Variants in EHMT1 observed in about 807,000 individuals in gnomAD.
EHMT1 encodes the protein euchromatic histone lysine methyltransferase 1, also known as histone-lysine N-methyltransferase EHMT1.
In EHMT1, 15 loss-of-function variants were observed where a neutral mutation model predicts 147.2. That is an observed-to-expected ratio of 0.10 (90% CI 0.07 to 0.16). The LOEUF is 0.16. Among genes scored for constraint, EHMT1 ranks in the 10% least tolerant of loss-of-function variants. The probability of loss-of-function intolerance (pLI) is 1.00; values close to 1 mark genes in which losing one functional copy is unlikely to be tolerated. For missense variants in EHMT1, 1,587 were observed against 1,772.4 expected (o/e 0.90, Z 1.88); for synonymous variants, 795 against 709.6 (o/e 1.12, Z -1.91).
chr9:137,721,273 A>ACCCCTCCCAGACTTCTCACACTCGC (rs1945966053), intron 3 of EHMT1, among the ~76,000 whole-genome samples: 1 of 3,318 alleles, frequency 3.0e-4, no homozygotes, highest in African/African-American at 1.1e-3. Context: ...TCTCACACTC[A>ACCCCTCCCAGACTTCTCACACTCGC]CCCCTCCCAG....
At chr9:137,709,268 G>A (rs1002762937) in intron 1 of EHMT1, among the ~76,000 whole-genome samples, 3 of 152,196 alleles carry the variant, frequency 2.0e-5, no homozygotes, top group Non-Finnish European at 4.4e-5. Context: ...GGCTGAGCTG[G>A]CTGGCGTACA....
intron 1 of EHMT1, among the ~76,000 whole-genome samples, chr9:137,687,667 C>G (rs1360335523): frequency 6.6e-6 from 1 of 152,134 alleles, no homozygotes; most frequent in African/African-American, 2.4e-5. Flanking sequence ...AGACTCCTAC[C>G]CGTCACGCGA....
rs566139510 is a variant in EHMT1 at position 137,778,479 on chromosome 9, GTCC to G, written c.2192+430_2192+432del. On this transcript the variant is annotated intron_variant, in intron 13 of 26. Transcript: ENST00000460843. ...AGCTCACAAAAACCCACCCCTCCTCGTCCTCCTCTCAGCATTGCCCCACCAGGG... is the reference window on the plus strand; with the variant it reads ...AGCTCACAAAAACCCACCCCTCCTCGTCCTCTCAGCATTGCCCCACCAGGG... Among the ~76,000 whole-genome samples the G allele has an allele frequency of 3.9e-4, 60 of 152,254 alleles. 1 individual carries two copies. The highest frequency in any genetic ancestry group is 3.4e-3 in the Middle Eastern group (1 of 294).
chr9:137,819,589 G>A lies in EHMT1; in HGVS notation c.3540+1451G>A, dbSNP rs7031781. Among the ~76,000 whole-genome samples, 208 of 57,922 alleles carry A rather than the reference G, an allele frequency of 3.6e-3. 7 individuals are homozygous for A. Among genetic ancestry groups the A allele is most frequent in the Middle Eastern group, 8.6e-3 (1 of 116 alleles). 38.0% of individuals were successfully genotyped at this position (57,922 alleles called of 152,430 possible). A position where few individuals can be genotyped will look rare whatever the true frequency, so the allele number is the denominator to read the frequency against. ...GTAGAGAGGCCGACTGAGGGGCGCC[G>A]TGTACCGAGACTGTAGAGAGGCCGA... is the stretch of plus-strand genomic sequence containing the variant. On this transcript the variant is annotated intron_variant, in intron 25 of 26. Transcript: ENST00000460843.
chr9:137,635,020 G>A (rs1400392000), intron 1 of EHMT1, among the ~76,000 whole-genome samples: 1 of 150,676 alleles, frequency 6.6e-6, no homozygotes, highest in African/African-American at 2.4e-5. Flanking sequence ...GCGCCCGGCT[G>A]TCACTTGGAT....
chr9:137,736,799 G>A (rs1203615500), intron 4 of EHMT1, among the ~76,000 whole-genome samples: 1 of 152,162 alleles, frequency 6.6e-6, no homozygotes, highest in Non-Finnish European at 1.5e-5. Context: ...GCCGAGGCAC[G>A]AGAATTACTT....
intron 1 of EHMT1, among the ~76,000 whole-genome samples, chr9:137,696,017 G>A (rs563513038): frequency 6.6e-6 from 1 of 152,234 alleles, no homozygotes; most frequent in Non-Finnish European, 1.5e-5. Flanking sequence ...TTAAGCAGCA[G>A]ATGGAAAGGG....
intron 1 of EHMT1, among the ~76,000 whole-genome samples, chr9:137,697,757 A>G (rs1943510092): frequency 6.6e-6 from 1 of 152,274 alleles, no homozygotes; most frequent in Non-Finnish European, 1.5e-5. Context: ...CTAAGAAAAG[A>G]ACAAAGCTTT....
At position 137,782,856 on chromosome 9, in the gene EHMT1, T is replaced by C. The variant is rs1049052260; in HGVS notation, c.2382+459T>C. ...TGGCTTGTGTTTCTGTTGGTTGAGT[T>C]GACTCTGCCACCTGCTAATTTATTC... On this transcript the variant is annotated intron_variant, in intron 15 of 26. Transcript: ENST00000460843. The surrounding 1 kb of genome is among the most constrained non-coding windows in gnomAD (Gnocchi z 5.7). Among the ~76,000 whole-genome samples the C allele has an allele frequency of 6.6e-6, 1 of 152,202 alleles. No homozygotes were observed. Among genetic ancestry groups the C allele is most frequent in the Non-Finnish European group, 1.5e-5 (1 of 68,038 alleles).
At chr9:137,779,832 C>A in intron 14 of EHMT1, 115 bp downstream of exon 14, 1 of 1,177,966 alleles carries the variant, frequency 8.5e-7, no homozygotes, top group Non-Finnish European at 1.2e-6. Context: ...TTTTCTGTTT[C>A]TGTGTCTCCG....
intron 12 of EHMT1, 192 bp downstream of exon 12, chr9:137,777,036 G>A (rs1951015246): frequency 4.8e-6 from 3 of 621,974 alleles, no homozygotes; most frequent in South Asian, 3.9e-5. Context: ...GCTCTCTTTC[G>A]GTTTGGTTAT....
chr9:137,717,324 C>T lies in EHMT1; in HGVS notation c.642+142C>T, dbSNP rs533374885. 40 of 1,111,140 alleles carry T rather than the reference C, an allele frequency of 3.6e-5. 1 individual carries two copies. Among genetic ancestry groups the T allele is most frequent in the South Asian group, 9.4e-5 (7 of 74,584 alleles). 68.8% of individuals were successfully genotyped at this position (1,111,140 alleles called of 1,614,324 possible). A position where few individuals can be genotyped will look rare whatever the true frequency, so the allele number is the denominator to read the frequency against. ...GGCCTATGAGGAGCTAGGAGAAGGC[C>T]GGGAGCAGTGGCTTACAGCTGTTAT... On this transcript the variant is annotated intron_variant, in intron 3 of 26. Coordinates refer to ENST00000460843, the MANE Select transcript of EHMT1 (RefSeq NM_024757.5).
At chr9:137,688,428 CTT>C (rs1564589912) in intron 1 of EHMT1, among the ~76,000 whole-genome samples, 1 of 152,210 alleles carries the variant, frequency 6.6e-6, no homozygotes, top group African/African-American at 2.4e-5. Context: ...CTGCTGGACT[CTT>C]TATCCCACAC....
chr9:137,669,359 TCCCACAGCACGTG>T (rs1940175558), intron 1 of EHMT1, among the ~76,000 whole-genome samples: 1 of 4,120 alleles, frequency 2.4e-4, no homozygotes, highest in Non-Finnish European at 4.7e-4. Flanking sequence ...CCCAAGACGC[TCCCACAGCACGTG>T]CACTGGACTC....
chr9:137,691,364 G>A (rs1260416455), intron 1 of EHMT1, among the ~76,000 whole-genome samples: 3 of 148,642 alleles, frequency 2.0e-5, no homozygotes, highest in South Asian at 2.1e-4. Context: ...TTTTTGTAGA[G>A]ACAGAGTTTC....
chr9:137,819,933 G>C (rs1053393305), intron 25 of EHMT1: 3 of 152,082 alleles, frequency 2.0e-5, no homozygotes, highest in East Asian at 3.9e-4. Flanking sequence ...CTGTAGCCTC[G>C]TTCCCATCAT....
intron 14 of EHMT1, among the ~76,000 whole-genome samples, chr9:137,780,197 C>T (rs866864987): frequency 8.6e-5 from 12 of 140,222 alleles, no homozygotes; most frequent in South Asian, 2.3e-4. Flanking sequence ...GTGGTGATGA[C>T]GCTGAGATGT....
In EHMT1 at chr9:137,784,285, T is replaced by C. The variant is rs146981329; in HGVS notation, c.2382+1888T>C. On this transcript the variant is annotated intron_variant, in intron 15 of 26. Coordinates refer to ENST00000460843, the MANE Select transcript of EHMT1 (RefSeq NM_024757.5). Reference sequence around the variant, plus strand: ...CCATTCCTGGGGGCTGACTCCGCCTTTCAGAGAGGCGTGGCTCCATCTTCA... The same window carrying C: ...CCATTCCTGGGGGCTGACTCCGCCTCTCAGAGAGGCGTGGCTCCATCTTCA... 1.2e-3 allele frequency: 1,814 copies of C among 1,466,248 alleles called. 16 individuals are homozygous for C. In the African/African-American group the frequency reaches 0.019, roughly 15 times the overall value. 90.8% of individuals were successfully genotyped at this position (1,466,248 alleles called of 1,614,324 possible).
chr9:137,730,084 T>G (rs929779110), intron 4 of EHMT1, among the ~76,000 whole-genome samples: 1 of 152,240 alleles, frequency 6.6e-6, no homozygotes, highest in African/African-American at 2.4e-5. Flanking sequence ...ATAGAATGTG[T>G]CTGATGTGGG....
Sources: gnomAD v4.1 joint callset for allele counts (sites outside exome capture counted in the v4.1 genomes callset) on GRCh38, gnomAD v4.1.1 for gene constraint, Gnocchi (gnomAD v3.1) non-coding constraint, MANE v1.5 for transcripts, NCBI Gene and HGNC (gene_info 2026-07-23, HGNC 2026-07-21) for gene names.